The following TBC1D15 variants were observed in gnomAD, a reference collection of about 807,000 sequenced individuals.
TBC1D15 encodes TBC1 domain family member 15.
In TBC1D15, 39 loss-of-function variants were observed where a neutral mutation model predicts 95.4. The ratio of observed to expected loss-of-function variants is 0.41; its 90% CI spans 0.32 to 0.53. The LOEUF is 0.53. Ranked by LOEUF, TBC1D15 falls within the 20% of genes least tolerant of loss-of-function variation. The probability of loss-of-function intolerance (pLI) is 0.29; values close to 1 mark genes in which losing one functional copy is unlikely to be tolerated. For synonymous variants in TBC1D15, 258 were observed against 261.3 expected (o/e 0.99, Z 0.12); for missense variants, 733 against 794.3 (o/e 0.92, Z 0.93).
chr12:71,889,699 A>G (rs894926044), intron 5 of TBC1D15, among the ~76,000 whole-genome samples: 9 of 152,164 alleles, frequency 5.9e-5, no homozygotes, highest in Admixed American at 4.6e-4. Context: ...GGTAAACTGC[A>G]TGTCACGGGG....
At chr12:71,911,018 A>T (rs1397705049) in intron 11 of TBC1D15, among the ~76,000 whole-genome samples, 1 of 152,216 alleles carries the variant, frequency 6.6e-6, no homozygotes, top group Non-Finnish European at 1.5e-5. Context: ...AAACACACGA[A>T]AAAATGCTCA....
At position 71,924,057 on chromosome 12, in the gene TBC1D15, A is replaced by T. The variant is rs1870352707; in HGVS notation, c.*853A>T. 1 of 152,622 alleles carries T rather than the reference A, an allele frequency of 6.6e-6. No homozygotes were observed. Among genetic ancestry groups the T allele is most frequent in the Non-Finnish European group, 1.5e-5 (1 of 68,004 alleles). 9.5% of individuals were successfully genotyped at this position (152,622 alleles called of 1,614,324 possible). A position where few individuals can be genotyped will look rare whatever the true frequency, so the allele number is the denominator to read the frequency against. On this transcript the variant is annotated 3_prime_UTR_variant, in exon 17 of 17. Transcript: ENST00000485960. ...CCTCACTTTACTAATAATGTTTATTATCTTTCCTAATAATGCATTAACTGA... is the reference window on the plus strand; with the variant it reads ...CCTCACTTTACTAATAATGTTTATTTTCTTTCCTAATAATGCATTAACTGA...
chr12:71,885,190 T>C (rs1895995197), intron 5 of TBC1D15, among the ~76,000 whole-genome samples, 169 bp downstream of exon 5: 1 of 152,198 alleles, frequency 6.6e-6, no homozygotes, highest in Admixed American at 6.5e-5. Context: ...CTGAATAATA[T>C]TGTGTTATTT....
chr12:71,883,418 C>G (rs1895609508), intron 4 of TBC1D15, among the ~76,000 whole-genome samples: 1 of 152,164 alleles, frequency 6.6e-6, no homozygotes. Flanking sequence ...GTGAAAGCTG[C>G]TGGTCATTGT....
chr12:71,855,483 C>T (rs939751344), intron 1 of TBC1D15, among the ~76,000 whole-genome samples: 13 of 151,724 alleles, frequency 8.6e-5, no homozygotes, highest in African/African-American at 2.2e-4. Context: ...CTGGCTAACA[C>T]GGTGAAACCC....
At chr12:71,856,135 C>T (rs2138032148) in intron 1 of TBC1D15, among the ~76,000 whole-genome samples, 1 of 152,286 alleles carries the variant, frequency 6.6e-6, no homozygotes, top group East Asian at 1.9e-4. Flanking sequence ...GCCAGATGAA[C>T]TGGAAGATGA....
rs1399231659 is a variant in TBC1D15, at chr12:71,869,250, C to CT, written c.31-2819dup. The stretch of plus-strand genomic sequence containing the variant: ...TAAAAAAACAACTCAGGGCTGGGTG[C>CT]TGTGGCTCATGCCTGTAATCCCAGC... On this transcript the variant is annotated intron_variant, in intron 1 of 16. Coordinates refer to ENST00000485960, the MANE Select transcript of TBC1D15 (RefSeq NM_001146213.3). Among the ~76,000 whole-genome samples, 220 of 152,166 alleles carry CT rather than the reference C, an allele frequency of 1.4e-3. 4 individuals carry two copies. Among genetic ancestry groups the CT allele is most frequent in the Admixed American group, 8.5e-4 (13 of 15,264 alleles).
chr12:71,856,103 G>T (rs1219500734), intron 1 of TBC1D15, among the ~76,000 whole-genome samples: 1 of 152,118 alleles, frequency 6.6e-6, no homozygotes, highest in East Asian at 1.9e-4. Context: ...CCTTTGAGCA[G>T]TTTTCGTATT....
Position 71,884,838 on chromosome 12 carries a change from G to A in TBC1D15, c.371G>A (p.Ser124Asn). The change falls in exon 5 of 17, where the codon AGC becomes AAC. Residue 124 changes from serine (S) to asparagine (N), a missense_variant. Coordinates refer to ENST00000485960, the MANE Select transcript of TBC1D15 (RefSeq NM_001146213.3). ...GCTCCAAGTCATAGAAATGGGAAAAGCAAATGGTCATTCCTGTTCAGTTTG... is the reference window on the plus strand; with the variant it reads ...GCTCCAAGTCATAGAAATGGGAAAAACAAATGGTCATTCCTGTTCAGTTTG... The part of the protein sequence containing the change: ...GDAPSHRNGK[S>N]KWSFLFSLTD... The A allele has an allele frequency of 6.2e-7, 1 of 1,613,926 alleles. No individual in the cohort carries two copies. Among genetic ancestry groups the A allele is most frequent in the Non-Finnish European group, 8.5e-7 (1 of 1,179,846 alleles).
chr12:71,857,824 C>T (rs927383151), intron 1 of TBC1D15, among the ~76,000 whole-genome samples: 2 of 152,162 alleles, frequency 1.3e-5, no homozygotes, highest in Non-Finnish European at 1.5e-5. Flanking sequence ...TATTCATTAA[C>T]CAACCTTTGT....
intron 3 of TBC1D15, among the ~76,000 whole-genome samples, chr12:71,874,845 A>G (rs1399818621): frequency 6.6e-6 from 1 of 151,004 alleles, no homozygotes; most frequent in Non-Finnish European, 1.5e-5. Context: ...CTAGTCTCGA[A>G]CTCCTGACCT....
At chr12:71,847,149 A>G (rs1252243809) in intron 1 of TBC1D15, among the ~76,000 whole-genome samples, 1 of 152,146 alleles carries the variant, frequency 6.6e-6, no homozygotes, top group Non-Finnish European at 1.5e-5. Flanking sequence ...TGAACCCATG[A>G]ACACAATTAA....
intron 11 of TBC1D15, among the ~76,000 whole-genome samples, chr12:71,911,575 A>G: frequency 7.1e-6 from 1 of 140,344 alleles, no homozygotes. Context: ...TTGAACAATG[A>G]GAACACATGG....
chr12:71,849,026 T>A (rs971232065), intron 1 of TBC1D15, among the ~76,000 whole-genome samples: 1 of 152,188 alleles, frequency 6.6e-6, no homozygotes, highest in African/African-American at 2.4e-5. Flanking sequence ...TTTGTTTCTT[T>A]AACTCAGAAT....
At position 71,869,301 on chromosome 12, in the gene TBC1D15, T is replaced by C. The variant is rs1294953891; in HGVS notation, c.31-2769T>C. Among the ~76,000 whole-genome samples, 7 of 152,242 alleles carry C rather than the reference T, an allele frequency of 4.6e-5. No individual in the cohort carries two copies. The East Asian group carries it at 1.4e-3, about 29-fold the overall frequency. On this transcript the variant is annotated intron_variant, in intron 1 of 16. Transcript: ENST00000485960. ...ACTTTGAGAGGCCAAGGTGGGCAGGTCACCTGAGGTCAGGAGTTTGAGACC... is the reference window on the plus strand; with the variant it reads ...ACTTTGAGAGGCCAAGGTGGGCAGGCCACCTGAGGTCAGGAGTTTGAGACC...
At position 71,897,471 on chromosome 12, in the gene TBC1D15, T is replaced by A. The variant is rs1898427792; in HGVS notation, c.1089-376T>A. On this transcript the variant is annotated intron_variant, in intron 9 of 16. Transcript: ENST00000485960. ...TTGGAAATGGAACTATAATGTCACA[T>A]TTTTTAAAAAAAAAGTCACTTAGAT... Among the ~76,000 whole-genome samples, 4 of 152,120 alleles carry A rather than the reference T, an allele frequency of 2.6e-5. No homozygotes were observed. The South Asian group carries it at 8.3e-4, about 32-fold the overall frequency.
At chr12:71,894,412 G>T in intron 6 of TBC1D15, 1 of 1,594,726 alleles carries the variant, frequency 6.3e-7, no homozygotes, top group Non-Finnish European at 8.6e-7. Context: ...TATGCAGATT[G>T]AGTGAAGCCT....
intron 14 of TBC1D15, among the ~76,000 whole-genome samples, chr12:71,920,318 AC>A (rs1390997391): frequency 1.3e-5 from 2 of 152,116 alleles, no homozygotes; most frequent in Non-Finnish European, 2.9e-5. Context: ...GTGTAACTGA[AC>A]CTTTTTTTAT....
chr12:71,907,302 GA>G, intron 11 of TBC1D15, 164 bp downstream of exon 11: 1 of 451,666 alleles, frequency 2.2e-6, no homozygotes, highest in Non-Finnish European at 3.9e-6. Context: ...CTCAACCAAG[GA>G]GCCCTGGGTT....
Sources: gnomAD v4.1 joint callset for allele counts (sites outside exome capture counted in the v4.1 genomes callset) on GRCh38, gnomAD v4.1.1 for gene constraint, MANE v1.5 for transcripts, NCBI Gene and HGNC (gene_info 2026-07-23, HGNC 2026-07-21) for gene names.